Variants in BICC1 observed in about 807,000 individuals in gnomAD.
BICC1 encodes the protein protein bicaudal C homolog 1.
A neutral mutation model predicts 111.0 loss-of-function variants in BICC1; 43 were observed. That is an observed-to-expected ratio of 0.39 (90% CI 0.30 to 0.50). The LOEUF is 0.50. Ranked by LOEUF, BICC1 falls within the 20% of genes least tolerant of loss-of-function variation. The pLI is 0.88. For synonymous variants in BICC1, 467 were observed against 434.4 expected, an observed-to-expected ratio of 1.07 and a Z score of -0.93; for missense variants, 1,091 against 1,203.2, an observed-to-expected ratio of 0.91 and a Z score of 1.38.
At chr10:58,554,501 A>C (rs1326641246) in intron 1 of BICC1, among the ~76,000 whole-genome samples, 1 of 152,186 alleles carries the variant, frequency 6.6e-6, no homozygotes, top group East Asian at 1.9e-4. Context: ...GCAAACAGGC[A>C]TTCTTATTTT....
At chr10:58,670,849 A>G (rs1839162038) in intron 2 of BICC1, among the ~76,000 whole-genome samples, 1 of 152,186 alleles carries the variant, frequency 6.6e-6, no homozygotes, top group African/African-American at 2.4e-5. Flanking sequence ...ATGTAACCAT[A>G]CTCATTAATA....
rs189017728 is a variant in BICC1, at chr10:58,701,418, C to T, written c.238-656C>T. 2.2e-3 allele frequency among the ~76,000 whole-genome samples: 340 copies of T among 152,284 alleles called. 2 individuals carry two copies. Among genetic ancestry groups the T allele is most frequent in the Non-Finnish European group, 2.0e-3 (136 of 68,032 alleles). The stretch of plus-strand genomic sequence containing the variant: ...TGCTGGGCAGTCGTTGCTTCCCTCA[C>T]TTGTCCTGGTGCTTCCACTCATTCA... On this transcript the variant is annotated intron_variant, in intron 2 of 20. Coordinates refer to ENST00000373886, the MANE Select transcript of BICC1 (RefSeq NM_001080512.3).
chr10:58,733,655 G>C (rs1841384318), intron 3 of BICC1, among the ~76,000 whole-genome samples: 1 of 152,114 alleles, frequency 6.6e-6, no homozygotes, highest in Non-Finnish European at 1.5e-5. Flanking sequence ...CTACTCTCTT[G>C]GTCACTTGCT....
At chr10:58,572,915 T>C (rs1325414888) in intron 1 of BICC1, among the ~76,000 whole-genome samples, 1 of 152,194 alleles carries the variant, frequency 6.6e-6, no homozygotes, top group African/African-American at 2.4e-5. Flanking sequence ...TTATTTATTC[T>C]GTTATGTTGT....
chr10:58,538,984 A>T (rs1303969), intron 1 of BICC1, among the ~76,000 whole-genome samples: 151,066 of 151,996 alleles, frequency 0.99, 75,074 homozygotes, highest in East Asian at 1. Context: ...CTGGTTGGAA[A>T]GTAAATTAGT....
At chr10:58,827,395 A>G (rs1332185470) in intron 20 of BICC1, among the ~76,000 whole-genome samples, 2 of 152,232 alleles carry the variant, frequency 1.3e-5, no homozygotes, top group Non-Finnish European at 2.9e-5. Flanking sequence ...CACAGAATTT[A>G]CCATAGAGCC....
At chr10:58,575,769 G>T (rs1844093928) in intron 1 of BICC1, among the ~76,000 whole-genome samples, 1 of 151,970 alleles carries the variant, frequency 6.6e-6, no homozygotes, top group African/African-American at 2.4e-5. Context: ...TTGTTTCTGT[G>T]ATTGTTCCTT....
chr10:58,798,735 G>T (rs1322824188), intron 11 of BICC1, among the ~76,000 whole-genome samples, 175 bp downstream of exon 11: 1 of 152,210 alleles, frequency 6.6e-6, no homozygotes, highest in East Asian at 1.9e-4. Flanking sequence ...CAGCAAAGCA[G>T]TTTGAGTTTT....
intron 3 of BICC1, among the ~76,000 whole-genome samples, chr10:58,736,674 C>A (rs2132582280): frequency 6.6e-6 from 1 of 152,100 alleles, no homozygotes; most frequent in African/African-American, 2.4e-5. Flanking sequence ...TAAAGTTATC[C>A]CCACTCTTAT....
intron 3 of BICC1, among the ~76,000 whole-genome samples, chr10:58,779,401 A>G (rs12780144): frequency 0.41 from 62,295 of 152,126 alleles, 13,705 homozygotes; most frequent in Admixed American, 0.55. Flanking sequence ...GATTCTTAAA[A>G]TGTGCAAAAT....
intron 1 of BICC1, among the ~76,000 whole-genome samples, chr10:58,529,658 G>A (rs1222338752): frequency 6.6e-6 from 1 of 151,684 alleles, no homozygotes; most frequent in African/African-American, 2.4e-5. Flanking sequence ...TTAATCTGGG[G>A]GGAATTTTTT....
intron 3 of BICC1, among the ~76,000 whole-genome samples, chr10:58,761,357 A>C (rs1387551745): frequency 1.3e-5 from 2 of 152,196 alleles, no homozygotes; most frequent in South Asian, 4.1e-4. Flanking sequence ...AAGGTTTAAA[A>C]TCGATGTGAG....
chr10:58,715,273 A>C (rs1179866503), intron 3 of BICC1, among the ~76,000 whole-genome samples: 4 of 152,344 alleles, frequency 2.6e-5, no homozygotes, highest in South Asian at 4.1e-4. Context: ...TTGTTGCCAG[A>C]AATTACTCTT....
intron 20 of BICC1, among the ~76,000 whole-genome samples, chr10:58,827,046 TC>T: frequency 6.6e-6 from 1 of 152,202 alleles, no homozygotes; most frequent in Non-Finnish European, 1.5e-5. Flanking sequence ...CTTTTAAAGT[TC>T]TTTTGATGTT....
chr10:58,721,410 A>G (rs940931323), intron 3 of BICC1, among the ~76,000 whole-genome samples: 23 of 152,222 alleles, frequency 1.5e-4, no homozygotes, highest in African/African-American at 5.5e-4. Flanking sequence ...TTATTATGCC[A>G]TGGAAAAATG....
chr10:58,539,486 C>T (rs1658459), intron 1 of BICC1, among the ~76,000 whole-genome samples: 130 of 151,134 alleles, frequency 8.6e-4, no homozygotes, highest in African/African-American at 2.9e-3. Flanking sequence ...TCCATGGTAC[C>T]GTTCATCCAT....
intron 17 of BICC1, among the ~76,000 whole-genome samples, chr10:58,813,382 A>C (rs974679362): frequency 6.6e-6 from 1 of 152,042 alleles, no homozygotes; most frequent in African/African-American, 2.4e-5. Flanking sequence ...TCCCCTTCCA[A>C]CCTCAGGCTC....
In BICC1 at chr10:58,622,447, A is replaced by G. The variant is rs376270771; in HGVS notation, c.237+1546A>G. 1.4e-4 allele frequency among the ~76,000 whole-genome samples: 22 copies of G among 152,358 alleles called. 1 individual carries two copies. The South Asian group carries it at 2.1e-3, about 14-fold the overall frequency. ...TCTCACTGTTTGCAGAGACATATAT[A>G]CATTCCAGCAGTTTAAATGGAAACA... On this transcript the variant is annotated intron_variant, in intron 2 of 20. Transcript: ENST00000373886.
At chr10:58,546,468 T>C (rs186962576) in intron 1 of BICC1, among the ~76,000 whole-genome samples, 29 of 152,208 alleles carry the variant, frequency 1.9e-4, no homozygotes, top group Non-Finnish European at 2.5e-4. Flanking sequence ...CTAGTTCAGA[T>C]TACGAAAAAT....
Sources: allele counts gnomAD v4.1 joint callset (sites outside exome capture counted in the v4.1 genomes callset), GRCh38; gene constraint gnomAD v4.1.1; transcripts MANE v1.5; gene names NCBI Gene and HGNC (gene_info 2026-07-23, HGNC 2026-07-21).